Variants in ZSWIM5 observed in about 807,000 individuals in gnomAD.
The protein encoded by ZSWIM5 is zinc finger SWIM domain-containing protein 5.
Under a neutral mutation model 119.6 loss-of-function variants are expected in ZSWIM5, and 55 were observed. That is an observed-to-expected ratio of 0.46 (90% CI 0.37 to 0.58). The LOEUF is 0.58. Among genes scored for constraint, ZSWIM5 ranks in the 20% least tolerant of loss-of-function variants. The probability of loss-of-function intolerance (pLI) is 0.00; values close to 1 mark genes in which losing one functional copy is unlikely to be tolerated. For synonymous variants in ZSWIM5, 537 were observed against 606.9 expected, an observed-to-expected ratio of 0.88 and a Z score of 1.69; for missense variants, 1,193 against 1,512.8, an observed-to-expected ratio of 0.79 and a Z score of 3.51.
At position 45,018,265 on chromosome 1, in the gene ZSWIM5, G is replaced by GT; in HGVS notation, c.*188dup. On this transcript the variant is annotated 3_prime_UTR_variant, in exon 14 of 14. Transcript: ENST00000359600. The surrounding 1 kb of genome is among the most constrained non-coding windows in gnomAD (Gnocchi z 6.7). ...GCTCCTCCATGAACAGTAGGCTGTA[G>GT]TCAGAAGCTTGCCAAGGTAGGCATT... 1.4e-6 allele frequency: 1 copy of GT among 716,406 alleles called. No homozygotes were observed. The highest frequency in any genetic ancestry group is 1.9e-5 in the South Asian group (1 of 51,820). The allele number at this position is 716,406 out of a possible 1,614,324, so 44.4% of individuals were successfully genotyped here.
At chr1:45,027,548 C>T (rs1353163378) in intron 11 of ZSWIM5, among the ~76,000 whole-genome samples, 1 of 151,970 alleles carries the variant, frequency 6.6e-6, no homozygotes, top group African/African-American at 2.4e-5. Flanking sequence ...AGGCGCCTGC[C>T]ACCATGCCAA....
At chr1:45,039,920 G>A (rs1052419374) in intron 7 of ZSWIM5, among the ~76,000 whole-genome samples, 2 of 152,016 alleles carry the variant, frequency 1.3e-5, no homozygotes, top group Non-Finnish European at 2.9e-5. Flanking sequence ...TGGTCAGGCT[G>A]GTCTCGAACT....
chr1:45,153,808 G>A (rs571677639), intron 1 of ZSWIM5, among the ~76,000 whole-genome samples: 11 of 152,156 alleles, frequency 7.2e-5, no homozygotes, highest in Admixed American at 1.3e-4. Context: ...TCAAACTGTC[G>A]CTGTTTGCAT....
At chr1:45,025,967 A>C (rs1441855709) in intron 11 of ZSWIM5, among the ~76,000 whole-genome samples, 1 of 152,182 alleles carries the variant, frequency 6.6e-6, no homozygotes, top group Non-Finnish European at 1.5e-5. Flanking sequence ...GGCAAGAGGG[A>C]ACATTCTTGT....
intron 1 of ZSWIM5, among the ~76,000 whole-genome samples, chr1:45,150,459 T>C (rs1363316649): frequency 1.3e-5 from 2 of 152,092 alleles, no homozygotes; most frequent in East Asian, 1.9e-4. Flanking sequence ...TGAACACAAT[T>C]ACCATATGAC....
chr1:45,044,742 A>ATAT lies in ZSWIM5; in HGVS notation c.1433-1348_1433-1347insATA, dbSNP rs1557746338. ...CCGTCTCAAAAAAAAAAAAAAAAAA[A>ATAT]AAAAATATATATATATATATATATA... On this transcript the variant is annotated intron_variant, in intron 5 of 13. Coordinates refer to ENST00000359600, the MANE Select transcript of ZSWIM5 (RefSeq NM_020883.2). Among the ~76,000 whole-genome samples, 4 of 9,528 alleles carry ATAT rather than the reference A, an allele frequency of 4.2e-4. 1 individual carries two copies. The highest frequency in any genetic ancestry group is 1.0e-3 in the African/African-American group (4 of 4,018). The allele number at this position is 9,528 out of a possible 152,430, so 6.3% of individuals were successfully genotyped here.
chr1:45,034,719 T>C (rs549665435), intron 10 of ZSWIM5, among the ~76,000 whole-genome samples: 1 of 152,328 alleles, frequency 6.6e-6, no homozygotes, highest in African/African-American at 2.4e-5. Flanking sequence ...TCGGGTTGAA[T>C]AGTATGATAT....
At chr1:45,102,051 A>AC (rs895795614) in intron 1 of ZSWIM5, among the ~76,000 whole-genome samples, 21 of 152,050 alleles carry the variant, frequency 1.4e-4, no homozygotes, top group Admixed American at 1.0e-3. Flanking sequence ...AAAAAAAAAA[A>AC]ACTGTGAACT....
intron 4 of ZSWIM5, among the ~76,000 whole-genome samples, chr1:45,053,033 G>C (rs1217059584): frequency 6.7e-6 from 1 of 150,236 alleles, no homozygotes; most frequent in Non-Finnish European, 1.5e-5. Context: ...TGTGGTAGGA[G>C]AATCGGTTGA....
rs77525582 is a variant in ZSWIM5, at chr1:45,050,816, C to T, written c.1432+258G>A. ...AACCAGAAGAGTAGACCAGGAGTCA[C>T]GCAGAGGCTCTAGGACATTATGCTG... is the stretch of plus-strand genomic sequence containing the variant. On this transcript the variant is annotated intron_variant, in intron 5 of 13. Coordinates refer to ENST00000359600, the MANE Select transcript of ZSWIM5 (RefSeq NM_020883.2). Among the ~76,000 whole-genome samples the T allele has an allele frequency of 1.4e-3, 206 of 152,216 alleles. 1 individual carries two copies. Among genetic ancestry groups the T allele is most frequent in the African/African-American group, 4.4e-3 (183 of 41,532 alleles).
intron 2 of ZSWIM5, among the ~76,000 whole-genome samples, chr1:45,062,492 C>G (rs577076709): frequency 6.6e-6 from 1 of 152,162 alleles, no homozygotes; most frequent in East Asian, 1.9e-4. Context: ...ATGTCTTATT[C>G]TAAACATAGT....
chr1:45,153,499 C>G (rs1645810186), intron 1 of ZSWIM5, among the ~76,000 whole-genome samples: 1 of 139,236 alleles, frequency 7.2e-6, no homozygotes, highest in African/African-American at 2.9e-5. Flanking sequence ...GAGTGAGACT[C>G]TGTCTCAAAA....
chr1:45,197,019 T>C (rs1193762416), intron 1 of ZSWIM5, among the ~76,000 whole-genome samples: 1 of 152,202 alleles, frequency 6.6e-6, no homozygotes, highest in African/African-American at 2.4e-5. Flanking sequence ...AGCTGACTAT[T>C]CCTATTCACA....
At chr1:45,185,703 T>C (rs1276137056) in intron 1 of ZSWIM5, among the ~76,000 whole-genome samples, 1 of 152,162 alleles carries the variant, frequency 6.6e-6, no homozygotes, top group African/African-American at 2.4e-5. Flanking sequence ...CACAATGAGA[T>C]ACCATCTCAC....
Position 45,088,322 on chromosome 1 carries a change from A to G in ZSWIM5, c.596-85T>C, listed in dbSNP as rs1432470108. 2 of 1,010,462 alleles carry G rather than the reference A, an allele frequency of 2.0e-6. No individual in the cohort carries two copies. Among genetic ancestry groups the G allele is most frequent in the African/African-American group, 1.6e-5 (1 of 61,654 alleles). The allele number at this position is 1,010,462 out of a possible 1,614,324, so 62.6% of individuals were successfully genotyped here. The stretch of plus-strand genomic sequence containing the variant: ...ATTTTACATGTAAATTCATCAATTC[A>G]TAAATTATGTATTGGGTATCTCCTA... On this transcript the variant is annotated intron_variant, in intron 1 of 13. Transcript: ENST00000359600. This position sits in a 1 kb window ranked among gnomAD's most constrained non-coding sequence, Gnocchi z 4.2.
At chr1:45,192,931 A>G (rs1016757964) in intron 1 of ZSWIM5, among the ~76,000 whole-genome samples, 10 of 152,048 alleles carry the variant, frequency 6.6e-5, no homozygotes, top group African/African-American at 2.4e-4. Context: ...TCTTGTGCTT[A>G]TTGGTCATCT....
chr1:45,064,551 C>G (rs1202284879), intron 2 of ZSWIM5, among the ~76,000 whole-genome samples: 1 of 152,158 alleles, frequency 6.6e-6, no homozygotes, highest in African/African-American at 2.4e-5. Flanking sequence ...TTGTAAGTAA[C>G]AAGAATTTAT....
At chr1:45,083,358 C>T (rs757853437) in intron 2 of ZSWIM5, among the ~76,000 whole-genome samples, 18 of 152,138 alleles carry the variant, frequency 1.2e-4, no homozygotes, top group Non-Finnish European at 2.2e-4. Context: ...TCAAGCAATT[C>T]TCCTGCCTCA....
chr1:45,168,712 C>T (rs1386098484), intron 1 of ZSWIM5, among the ~76,000 whole-genome samples: 23 of 143,818 alleles, frequency 1.6e-4, no homozygotes, highest in Admixed American at 9.8e-4. Flanking sequence ...TTTTTTCCTA[C>T]ATGGGAGTTT....
Sources: gnomAD v4.1 joint callset for allele counts (sites outside exome capture counted in the v4.1 genomes callset) on GRCh38, gnomAD v4.1.1 for gene constraint, Gnocchi (gnomAD v3.1) non-coding constraint, MANE v1.5 for transcripts, NCBI Gene and HGNC (gene_info 2026-07-23, HGNC 2026-07-21) for gene names.